SKP1: variants seen among roughly 807,000 people sequenced by gnomAD.
The protein encoded by SKP1 is S-phase kinase-associated protein 1.
A neutral mutation model predicts 21.5 loss-of-function variants in SKP1; 1 was observed. The ratio of observed to expected loss-of-function variants is 0.05; its 90% CI spans 0.02 to 0.22. SKP1 has a LOEUF of 0.22. Ranked by LOEUF, SKP1 falls within the 10% of genes least tolerant of loss-of-function variation. The pLI is 1.00. For missense variants in SKP1, 70 were observed against 192.0 expected (o/e 0.36, Z 3.76); for synonymous variants, 59 against 59.3 (o/e 0.99, Z 0.03).
chr5:134,157,802 T>G (rs764234918), intron 5 of SKP1, 34 bp from the exon 6 acceptor site: 23 of 1,612,614 alleles, frequency 1.4e-5, no homozygotes, highest in Non-Finnish European at 1.6e-5. Context: ...GTACCTTAAC[T>G]TGAGTAGTCT....
chr5:134,176,236 C>T (rs573139577), intron 1 of SKP1, among the ~76,000 whole-genome samples: 1 of 152,302 alleles, frequency 6.6e-6, no homozygotes, highest in East Asian at 1.9e-4. Flanking sequence ...GGCAAAACAA[C>T]GCTAAGAAAT....
intron 1 of SKP1, 42 bp from the exon 2 acceptor site, chr5:134,174,064 G>C: frequency 1.7e-6 from 2 of 1,207,854 alleles, no homozygotes; most frequent in South Asian, 1.2e-5. Flanking sequence ...AAGAGAGAGA[G>C]TTCTACATGA....
At chr5:134,162,068 AAAAG>A (rs886457457) in intron 3 of SKP1, among the ~76,000 whole-genome samples, 6 of 152,164 alleles carry the variant, frequency 3.9e-5, no homozygotes, top group African/African-American at 9.7e-5. Flanking sequence ...CAAAAAAAAA[AAAAG>A]AAAGAACAAT....
intron 2 of SKP1, 104 bp from the exon 3 acceptor site, chr5:134,167,347 T>C (rs1761351020): frequency 1.4e-6 from 1 of 738,476 alleles, no homozygotes; most frequent in Admixed American, 2.4e-5. Context: ...TATCCATGAG[T>C]TCTACATCTG....
rs1761148006 is a variant in SKP1 at position 134,157,879 on chromosome 5, A to T, written c.457-111T>A. Reference sequence around the variant, plus strand: ...CCAGTGAGTTGAGTCAGAAGAACAGATGGAAAATTAGAACAACACCAGGTT... The same window carrying T: ...CCAGTGAGTTGAGTCAGAAGAACAGTTGGAAAATTAGAACAACACCAGGTT... On this transcript the variant is annotated intron_variant, in intron 5 of 5. Coordinates refer to ENST00000353411, the MANE Select transcript of SKP1 (RefSeq NM_170679.3). 2.5e-6 allele frequency: 4 copies of T among 1,603,234 alleles called. No homozygotes were observed. The African/African-American group carries it at 4.0e-5, about 16-fold the overall frequency.
chr5:134,171,689 G>A (rs1426216653), intron 2 of SKP1, among the ~76,000 whole-genome samples: 1 of 152,046 alleles, frequency 6.6e-6, no homozygotes, highest in Non-Finnish European at 1.5e-5. Flanking sequence ...ACTTTCCCTA[G>A]CACACCCTGT....
chr5:134,168,748 GTACACTAAGGTTTATGGCATGAAAA>G (rs1761382871), intron 2 of SKP1, among the ~76,000 whole-genome samples: 1 of 152,012 alleles, frequency 6.6e-6, no homozygotes. Flanking sequence ...AAGAGTCAGG[GTACACTAAGGTTTATGGCATGAAAA>G]GGATGAAGTT....
rs892061499 is a variant in SKP1, at chr5:134,149,861, T to A, written c.*7872A>T. On this transcript the variant is annotated 3_prime_UTR_variant, in exon 6 of 6. Coordinates refer to ENST00000353411, the MANE Select transcript of SKP1 (RefSeq NM_170679.3). ...AAATCAGATCAGCTTTTTTTTTTTT[T>A]AATCTGACTTCATAAAGGAAACTCA... 2 of 149,030 alleles carry A rather than the reference T, an allele frequency of 1.3e-5. No homozygotes were observed. The highest frequency in any genetic ancestry group is 2.9e-5 in the Non-Finnish European group (2 of 67,798). The allele number at this position is 149,030 out of a possible 1,614,324, so 9.2% of individuals were successfully genotyped here. A position where few individuals can be genotyped will look rare whatever the true frequency, so the allele number is the denominator to read the frequency against.
In SKP1 at chr5:134,167,153, C is replaced by G. The variant is rs1347379835; in HGVS notation, c.171+17G>C. 2.1e-6 allele frequency: 3 copies of G among 1,425,726 alleles called. No individual in the cohort carries two copies. Among genetic ancestry groups the G allele is most frequent in the Non-Finnish European group, 3.0e-6 (3 of 1,012,114 alleles). The allele number at this position is 1,425,726 out of a possible 1,614,324, so 88.3% of individuals were successfully genotyped here. A position where few individuals can be genotyped will look rare whatever the true frequency, so the allele number is the denominator to read the frequency against. ...ATATATTAAGCAGAATAAACTTAAA[C>G]TCTTTAAAGACCTTACCTTTTTTAA... On this transcript the variant is annotated intron_variant, in intron 3 of 5. Coordinates refer to ENST00000353411, the MANE Select transcript of SKP1 (RefSeq NM_170679.3).
intron 4 of SKP1, among the ~76,000 whole-genome samples, chr5:134,160,295 T>G (rs554096176): frequency 6.6e-6 from 1 of 152,080 alleles, no homozygotes; most frequent in African/African-American, 2.4e-5. Flanking sequence ...AGGTGGAGGT[T>G]GCAGTGAGCC....
rs530525915 is a variant in SKP1 at position 134,168,763 on chromosome 5, T to C, written c.98-1520A>G. On this transcript the variant is annotated intron_variant, in intron 2 of 5. Coordinates refer to ENST00000353411, the MANE Select transcript of SKP1 (RefSeq NM_170679.3). ...AAGAGTCAGGGTACACTAAGGTTTA[T>C]GGCATGAAAAGGATGAAGTTGCCAC... Among the ~76,000 whole-genome samples, 9 of 152,210 alleles carry C rather than the reference T, an allele frequency of 5.9e-5. No homozygotes were observed. The East Asian group carries it at 1.7e-3, about 29-fold the overall frequency.
chr5:134,168,575 T>C (rs1761378315), intron 2 of SKP1, among the ~76,000 whole-genome samples: 1 of 152,060 alleles, frequency 6.6e-6, no homozygotes, highest in African/African-American at 2.4e-5. Context: ...TTAAAGAACA[T>C]GGGTTAAGGG....
chr5:134,163,031 A>G (rs1290822504), intron 3 of SKP1, among the ~76,000 whole-genome samples: 3 of 151,934 alleles, frequency 2.0e-5, no homozygotes, highest in Non-Finnish European at 4.4e-5. Flanking sequence ...CCTGGGTAAC[A>G]TGGTGAAACC....
Position 134,154,649 on chromosome 5 carries a change from A to C in SKP1, c.*3084T>G, listed in dbSNP as rs1438385832. On this transcript the variant is annotated 3_prime_UTR_variant, in exon 6 of 6. Coordinates refer to ENST00000353411, the MANE Select transcript of SKP1 (RefSeq NM_170679.3). ...TTGAAAGGACTTCATCATTAAAAGCAGCACACTGCAGAAAGCAGCATGTTG... is the reference window on the plus strand; with the variant it reads ...TTGAAAGGACTTCATCATTAAAAGCCGCACACTGCAGAAAGCAGCATGTTG... The C allele has an allele frequency of 6.6e-6, 1 of 152,168 alleles. No homozygotes were observed. Among genetic ancestry groups the C allele is most frequent in the Non-Finnish European group, 1.5e-5 (1 of 68,042 alleles). The allele number at this position is 152,168 out of a possible 1,614,324, so 9.4% of individuals were successfully genotyped here.
rs1761038252 is a variant in SKP1, at chr5:134,151,224, A to G, written c.*6509T>C. 1 of 151,772 alleles carries G rather than the reference A, an allele frequency of 6.6e-6. No homozygotes were observed. Among genetic ancestry groups the G allele is most frequent in the East Asian group, 2.0e-4 (1 of 5,108 alleles). 9.4% of individuals were successfully genotyped at this position (151,772 alleles called of 1,614,324 possible). On this transcript the variant is annotated 3_prime_UTR_variant, in exon 6 of 6. Coordinates refer to ENST00000353411, the MANE Select transcript of SKP1 (RefSeq NM_170679.3). ...GTTCTCATTCTTTTATCTGAAGCCTAGTTCTTTCAGGCATGTGCAATGTCA... is the reference window on the plus strand; with the variant it reads ...GTTCTCATTCTTTTATCTGAAGCCTGGTTCTTTCAGGCATGTGCAATGTCA...
intron 1 of SKP1, 84 bp downstream of exon 1, chr5:134,176,771 G>A (rs56257643): frequency 0.11 from 16,070 of 152,620 alleles, 1,020 homozygotes; most frequent in South Asian, 0.21. Flanking sequence ...CCCGCCGCGG[G>A]CAGGCCCAAA....
At chr5:134,158,049 GT>G (rs1761150799) in intron 5 of SKP1, 1 of 1,460,602 alleles carries the variant, frequency 6.8e-7, no homozygotes, top group Non-Finnish European at 9.1e-7. Flanking sequence ...ATTTCAGTCT[GT>G]AGTCATGTCA....
In SKP1 at chr5:134,155,211, T is replaced by TAA. The variant is rs1244748160; in HGVS notation, c.*2520_*2521dup. 2.0e-5 allele frequency: 3 copies of TAA among 152,108 alleles called. No individual in the cohort carries two copies. Among genetic ancestry groups the TAA allele is most frequent in the African/African-American group, 7.2e-5 (3 of 41,400 alleles). 9.4% of individuals were successfully genotyped at this position (152,108 alleles called of 1,614,324 possible). A position where few individuals can be genotyped will look rare whatever the true frequency, so the allele number is the denominator to read the frequency against. ...TTAGTTTAGAAGAATAGTTGGGAAG[T>TAA]AAGAGAGTAGCCAGAAATGAGTGGA... On this transcript the variant is annotated 3_prime_UTR_variant, in exon 6 of 6. Coordinates refer to ENST00000353411, the MANE Select transcript of SKP1 (RefSeq NM_170679.3).
intron 1 of SKP1, among the ~76,000 whole-genome samples, chr5:134,174,273 T>C (rs568942454): frequency 1.6e-4 from 25 of 152,242 alleles, no homozygotes; most frequent in Non-Finnish European, 2.6e-4. Context: ...GAACTCACTA[T>C]TGGTATAAAT....
Sources: allele counts gnomAD v4.1 joint callset (sites outside exome capture counted in the v4.1 genomes callset), GRCh38; gene constraint gnomAD v4.1.1; transcripts MANE v1.5; gene names NCBI Gene and HGNC (gene_info 2026-07-23, HGNC 2026-07-21).